SLC5A1: variants seen among roughly 807,000 people sequenced by gnomAD.
The protein encoded by SLC5A1 is solute carrier family 5 member 1.
A neutral mutation model predicts 73.5 loss-of-function variants in SLC5A1; 42 were observed. The ratio of observed to expected loss-of-function variants is 0.57; its 90% CI spans 0.45 to 0.74. The LOEUF (loss-of-function observed/expected upper bound fraction) is 0.74. Ranked by LOEUF, SLC5A1 falls within the 30% of genes least tolerant of loss-of-function variation. The pLI, the probability that SLC5A1 is intolerant of heterozygous loss-of-function variation, is 0.00. For missense variants in SLC5A1, 634 were observed against 855.4 expected, an observed-to-expected ratio of 0.74 and a Z score of 3.23; for synonymous variants, 300 against 317.4, an observed-to-expected ratio of 0.95 and a Z score of 0.58.
intron 2 of SLC5A1, among the ~76,000 whole-genome samples, chr22:32,066,172 G>A (rs1248135076): frequency 6.6e-6 from 1 of 151,928 alleles, no homozygotes; most frequent in African/African-American, 2.4e-5. Flanking sequence ...TCCCCTTCCA[G>A]TCTTCCACTC....
intron 2 of SLC5A1, among the ~76,000 whole-genome samples, chr22:32,060,358 A>T (rs905138715): frequency 2.6e-5 from 4 of 151,738 alleles, no homozygotes; most frequent in African/African-American, 9.7e-5. Context: ...CGTCTGGCTA[A>T]TTTTTTTGTA....
In SLC5A1 at chr22:32,084,897, C is replaced by A; in HGVS notation, c.886-3C>A. The A allele has an allele frequency of 6.2e-7, 1 of 1,614,090 alleles. No individual in the cohort carries two copies. Among genetic ancestry groups the A allele is most frequent in the Non-Finnish European group, 8.5e-7 (1 of 1,180,030 alleles). ...ACCTCCCTTACTGGGCTTTTTCTGG[C>A]AGGTCATTGTGCAGCGCTGCCTCTC... is the stretch of plus-strand genomic sequence containing the variant. On this transcript the variant is annotated splice_region_variant and splice_polypyrimidine_tract_variant and intron_variant, in intron 8 of 14. Coordinates refer to ENST00000266088, the MANE Select transcript of SLC5A1 (RefSeq NM_000343.4).
chr22:32,069,298 C>T (rs2093979158), intron 5 of SLC5A1, among the ~76,000 whole-genome samples: 1 of 151,954 alleles, frequency 6.6e-6, no homozygotes, highest in Non-Finnish European at 1.5e-5. Context: ...AGATATTGGT[C>T]AAAGGATACA....
intron 11 of SLC5A1, among the ~76,000 whole-genome samples, chr22:32,098,008 A>G (rs2094029143): frequency 6.6e-6 from 1 of 152,236 alleles, no homozygotes; most frequent in Non-Finnish European, 1.5e-5. Context: ...GATCAAAACC[A>G]TACACACTAG....
At chr22:32,098,015 C>A (rs1603140103) in intron 11 of SLC5A1, among the ~76,000 whole-genome samples, 2 of 152,164 alleles carry the variant, frequency 1.3e-5, no homozygotes, top group African/African-American at 4.8e-5. Context: ...ACCATACACA[C>A]TAGAGTGACT....
chr22:32,070,442 T>C (rs1569305874), intron 5 of SLC5A1, among the ~76,000 whole-genome samples: 1 of 151,394 alleles, frequency 6.6e-6, no homozygotes, highest in East Asian at 1.9e-4. Context: ...AAGCGATCCT[T>C]CCACCTCAGC....
intron 13 of SLC5A1, 54 bp from the exon 14 acceptor site, chr22:32,104,732 T>C (rs1236023263): frequency 6.9e-7 from 1 of 1,439,588 alleles, no homozygotes; most frequent in Non-Finnish European, 9.8e-7. Flanking sequence ...CCCAACTTCT[T>C]GTCCCAAGAT....
At chr22:32,108,267 A>T (rs964569441) in intron 14 of SLC5A1, among the ~76,000 whole-genome samples, 5 of 151,804 alleles carry the variant, frequency 3.3e-5, no homozygotes, top group African/African-American at 1.2e-4. Context: ...TGCCCTGCTA[A>T]TTTTTTTGTA....
At chr22:32,051,058 A>G (rs570696469) in intron 2 of SLC5A1, among the ~76,000 whole-genome samples, 1 of 152,224 alleles carries the variant, frequency 6.6e-6, no homozygotes, top group Non-Finnish European at 1.5e-5. Context: ...TATTGGCAGC[A>G]GAAATTACAC....
chr22:32,104,044 T>C (rs746615660), intron 13 of SLC5A1, among the ~76,000 whole-genome samples: 1 of 152,238 alleles, frequency 6.6e-6, no homozygotes, highest in Non-Finnish European at 1.5e-5. Flanking sequence ...ACTTTACTCA[T>C]GCATGCACAG....
intron 2 of SLC5A1, among the ~76,000 whole-genome samples, chr22:32,054,518 T>C (rs976268048): frequency 9.2e-5 from 14 of 152,112 alleles, no homozygotes; most frequent in African/African-American, 3.4e-4. Flanking sequence ...CAGGTTGAGA[T>C]TTGAATGATC....
Position 32,084,940 on chromosome 22 carries a change from AC to A in SLC5A1, c.927del (p.His309GlnfsTer2). 1 of 1,614,174 alleles carries A rather than the reference AC, an allele frequency of 6.2e-7. No homozygotes were observed. The highest frequency in any genetic ancestry group is 8.5e-7 in the Non-Finnish European group (1 of 1,180,022). Reference protein sequence around the residue: ...QRCLSAKNMSHVKGGCILCGY... With the variant: ...QRCLSAKNMSXVKGGCILCGY... ...TGCCTCTCAGCCAAGAATATGTCTC[AC>A]GTGAAGGGTGGCTGCATCCTGTGTG... On this transcript the variant is annotated frameshift_variant, in exon 9 of 15. Transcript: ENST00000266088. LOFTEE classifies it high-confidence loss of function.
intron 14 of SLC5A1, among the ~76,000 whole-genome samples, chr22:32,108,759 C>A (rs1400098914): frequency 6.6e-6 from 1 of 152,104 alleles, no homozygotes; most frequent in Non-Finnish European, 1.5e-5. Context: ...TCTTCTGATA[C>A]ATGAAGATAA....
rs1363968834 is a variant in SLC5A1, at chr22:32,102,067, C to T, written c.1495C>T (p.Arg499Cys). ...CCTAGGACTTCTGATTGGGATTTCACGTATGATTACTGAGTTTGCTTATGG... is the reference window on the plus strand; with the variant it reads ...CCTAGGACTTCTGATTGGGATTTCATGTATGATTACTGAGTTTGCTTATGG... Reference protein sequence around the residue: ...LILGLLIGISRMITEFAYGTG... With the variant: ...LILGLLIGISCMITEFAYGTG... Residue 499 changes from arginine to cysteine, a missense_variant, in exon 13 of 15, where the codon CGT (arginine) becomes TGT (cysteine). Coordinates refer to ENST00000266088, the MANE Select transcript of SLC5A1 (RefSeq NM_000343.4). 2 of 1,613,974 alleles carry T rather than the reference C, an allele frequency of 1.2e-6. No individual in the cohort carries two copies. The highest frequency in any genetic ancestry group is 1.3e-5 in the African/African-American group (1 of 74,890).
rs1464061610 is a variant in SLC5A1, at chr22:32,112,883, C to T, written c.*2670C>T. On this transcript the variant is annotated 3_prime_UTR_variant, in exon 15 of 15. Coordinates refer to ENST00000266088, the MANE Select transcript of SLC5A1 (RefSeq NM_000343.4). ...TGCTGAGAGTAGTGTGAGTGTTCTA[C>T]CACAAAAAAATATGTGCAGTAATAG... The T allele has an allele frequency of 1.3e-5, 2 of 151,764 alleles. No individual in the cohort carries two copies. The highest frequency in any genetic ancestry group is 6.6e-5 in the Admixed American group (1 of 15,242). The allele number at this position is 151,764 out of a possible 1,614,324, so 9.4% of individuals were successfully genotyped here.
At chr22:32,091,298 AACAC>A (rs67059150) in intron 10 of SLC5A1, among the ~76,000 whole-genome samples, 25,412 of 138,788 alleles carry the variant, frequency 0.18, 2,461 homozygotes, top group South Asian at 0.29. Context: ...CACATACACA[AACAC>A]ACACACACAC....
intron 2 of SLC5A1, among the ~76,000 whole-genome samples, chr22:32,052,945 G>A (rs1419235197): frequency 6.6e-6 from 1 of 152,182 alleles, no homozygotes; most frequent in Admixed American, 6.5e-5. Context: ...TTAGAAGGGT[G>A]CTGGGTCTAA....
chr22:32,044,418 A>C (rs914750959), intron 1 of SLC5A1, among the ~76,000 whole-genome samples: 1 of 152,206 alleles, frequency 6.6e-6, no homozygotes, highest in African/African-American at 2.4e-5. Flanking sequence ...CTGCTGTAGC[A>C]GCTGGTGATT....
At chr22:32,106,069 T>C (rs1027350348) in intron 14 of SLC5A1, among the ~76,000 whole-genome samples, 1 of 152,228 alleles carries the variant, frequency 6.6e-6, no homozygotes, top group Non-Finnish European at 1.5e-5. Flanking sequence ...ATCTCTTCAA[T>C]ATACTAATTT....
Sources: allele counts gnomAD v4.1 joint callset (sites outside exome capture counted in the v4.1 genomes callset), GRCh38; gene constraint gnomAD v4.1.1; transcripts MANE v1.5; gene names NCBI Gene and HGNC (gene_info 2026-07-23, HGNC 2026-07-21).